Variants in GRM5 observed in about 807,000 individuals in gnomAD.
GRM5 encodes glutamate metabotropic receptor 5.
Under a neutral mutation model 83.1 loss-of-function variants are expected in GRM5, and 19 were observed. The observed-to-expected ratio is 0.23, with a 90% CI of 0.16 to 0.34. The LOEUF is 0.34. Ranked by LOEUF, GRM5 falls within the 10% of genes least tolerant of loss-of-function variation. GRM5 has a pLI of 1.00. For synonymous variants in GRM5, 675 were observed against 633.6 expected (o/e 1.07, Z -0.98); for missense variants, 1,160 against 1,588.3 (o/e 0.73, Z 4.58).
chr11:88,570,566 TATA>T (rs1169595688), intron 7 of GRM5, among the ~76,000 whole-genome samples: 2 of 81,698 alleles, frequency 2.4e-5, no homozygotes, highest in African/African-American at 1.6e-4. Flanking sequence ...TATATATATA[TATA>T]TATTTTTTTT....
chr11:88,637,392 C>T (rs868355434), intron 4 of GRM5, among the ~76,000 whole-genome samples: 19 of 151,712 alleles, frequency 1.3e-4, no homozygotes, highest in Admixed American at 3.3e-4. Context: ...AGAAAATTTT[C>T]GCAACCTACT....
At position 88,549,112 on chromosome 11, in the gene GRM5, T is replaced by C. The variant is rs16914204; in HGVS notation, c.2630+17941A>G. Among the ~76,000 whole-genome samples, 1,142 of 152,188 alleles carry C rather than the reference T, an allele frequency of 7.5e-3. 16 individuals carry two copies. The highest frequency in any genetic ancestry group is 0.026 in the African/African-American group (1,091 of 41,528). On this transcript the variant is annotated intron_variant, in intron 8 of 9. Coordinates refer to ENST00000305447, the MANE Select transcript of GRM5 (RefSeq NM_001143831.3). Reference sequence around the variant, plus strand: ...AATTGGAGAGTAAGAAGGCATTTTCTAGGTAATAGAAAGGGAGATAAATTC... The same window carrying C: ...AATTGGAGAGTAAGAAGGCATTTTCCAGGTAATAGAAAGGGAGATAAATTC...
chr11:88,692,806 G>A (rs977668920), intron 3 of GRM5, among the ~76,000 whole-genome samples: 4 of 152,170 alleles, frequency 2.6e-5, no homozygotes, highest in Admixed American at 6.6e-5. Context: ...TCTGAGACTC[G>A]AAGTTCCTTC....
chr11:88,660,153 T>A (rs531404320), intron 3 of GRM5, among the ~76,000 whole-genome samples: 12 of 152,250 alleles, frequency 7.9e-5, no homozygotes, highest in African/African-American at 2.9e-4. Context: ...GTCCATTGGG[T>A]TTTTCTCACT....
chr11:88,757,603 A>C (rs962205438), intron 3 of GRM5, among the ~76,000 whole-genome samples: 5 of 151,910 alleles, frequency 3.3e-5, no homozygotes, highest in African/African-American at 1.2e-4. Flanking sequence ...CCCCCTGCTA[A>C]CACCACCACC....
At chr11:88,881,270 A>C (rs981887589) in intron 2 of GRM5, among the ~76,000 whole-genome samples, 3 of 151,986 alleles carry the variant, frequency 2.0e-5, no homozygotes, top group Non-Finnish European at 2.9e-5. Context: ...GACTGTCATA[A>C]TGATTTTAAA....
intron 2 of GRM5, among the ~76,000 whole-genome samples, chr11:89,034,227 C>A (rs1456374266): frequency 6.6e-6 from 1 of 151,850 alleles, no homozygotes; most frequent in African/African-American, 2.4e-5. Flanking sequence ...GTGTGCAACT[C>A]AGACTTCGTA....
intron 8 of GRM5, among the ~76,000 whole-genome samples, chr11:88,541,029 C>A (rs748809232): frequency 6.6e-6 from 1 of 152,052 alleles, no homozygotes; most frequent in Non-Finnish European, 1.5e-5. Context: ...GAATTACAGG[C>A]GTGAGTCACC....
intron 3 of GRM5, among the ~76,000 whole-genome samples, chr11:88,775,086 G>C (rs1267729988): frequency 1.3e-5 from 2 of 152,052 alleles, no homozygotes; most frequent in African/African-American, 4.8e-5. Flanking sequence ...TTTTTTGGTT[G>C]GTAGGCTATT....
intron 3 of GRM5, among the ~76,000 whole-genome samples, chr11:88,841,822 TA>T (rs565187857): frequency 0.025 from 3,850 of 152,190 alleles, 168 homozygotes; most frequent in African/African-American, 0.088. Context: ...AAAGACATGA[TA>T]AAAAAATGTG....
intron 3 of GRM5, among the ~76,000 whole-genome samples, chr11:88,724,058 G>C (rs1001731222): frequency 1.3e-5 from 2 of 152,116 alleles, no homozygotes; most frequent in African/African-American, 2.4e-5. Flanking sequence ...TTAGGAGATA[G>C]TTCAAATCCT....
chr11:88,877,701 T>C (rs1944880581), intron 2 of GRM5, among the ~76,000 whole-genome samples: 2 of 151,786 alleles, frequency 1.3e-5, no homozygotes, highest in African/African-American at 4.8e-5. Context: ...CACATGCCTG[T>C]AGTCTCAGCT....
chr11:88,918,212 A>T (rs1349470728), intron 2 of GRM5, among the ~76,000 whole-genome samples: 3 of 151,816 alleles, frequency 2.0e-5, no homozygotes, highest in Non-Finnish European at 4.4e-5. Context: ...AAACAAAAAC[A>T]AACCAAACAA....
At chr11:89,049,659 G>A (rs1157134727) in intron 1 of GRM5, among the ~76,000 whole-genome samples, 1 of 152,188 alleles carries the variant, frequency 6.6e-6, no homozygotes, top group Non-Finnish European at 1.5e-5. Context: ...TATGGCAACA[G>A]AGAAAGTCTT....
chr11:88,718,592 A>G (rs908528935), intron 3 of GRM5, among the ~76,000 whole-genome samples: 1 of 151,966 alleles, frequency 6.6e-6, no homozygotes, highest in Non-Finnish European at 1.5e-5. Context: ...TTGAGATATT[A>G]TTATTAGGCA....
chr11:88,816,827 A>C (rs1218382762), intron 3 of GRM5, among the ~76,000 whole-genome samples: 5 of 151,254 alleles, frequency 3.3e-5, no homozygotes, highest in South Asian at 4.1e-4. Context: ...AAATTATATA[A>C]TATTAAATGG....
At position 88,968,929 on chromosome 11, in the gene GRM5, G is replaced by A. The variant is rs559627706; in HGVS notation, c.661+78283C>T. The stretch of plus-strand genomic sequence containing the variant: ...ATAGCCAGGATCGGGTTTTTTAGAT[G>A]TAGTAACAATAAGATTAGATTTTTT... On this transcript the variant is annotated intron_variant, in intron 2 of 9. Transcript: ENST00000305447. 2.0e-4 allele frequency among the ~76,000 whole-genome samples: 30 copies of A among 152,160 alleles called. No individual in the cohort carries two copies. In the East Asian group the frequency reaches 5.0e-3, roughly 25 times the overall value.
intron 5 of GRM5, among the ~76,000 whole-genome samples, chr11:88,602,226 AT>A (rs1237230550): frequency 2.0e-5 from 3 of 152,128 alleles, no homozygotes; most frequent in Non-Finnish European, 4.4e-5. Context: ...AGAAATATTA[AT>A]GTGTTTATTA....
intron 2 of GRM5, among the ~76,000 whole-genome samples, chr11:89,031,544 T>C (rs1941263510): frequency 6.6e-6 from 1 of 151,838 alleles, no homozygotes. Context: ...CCATAAAAAG[T>C]ATGAATAACA....
Sources: gnomAD v4.1 joint callset for allele counts (sites outside exome capture counted in the v4.1 genomes callset) on GRCh38, gnomAD v4.1.1 for gene constraint, MANE v1.5 for transcripts, NCBI Gene and HGNC (gene_info 2026-07-23, HGNC 2026-07-21) for gene names.